The following PCNX1 variants were observed in gnomAD, a reference collection of about 807,000 sequenced individuals.
PCNX1 encodes pecanex 1, also known as pecanex-like protein 1.
PCNX1 carries 78 observed loss-of-function variants against 242.2 expected under a neutral mutation model. The observed-to-expected ratio is 0.32, with a 90% CI of 0.27 to 0.39. The LOEUF (loss-of-function observed/expected upper bound fraction) is 0.39. Ranked by LOEUF, PCNX1 falls within the 10% of genes least tolerant of loss-of-function variation. The pLI is 1.00. For missense variants in PCNX1, 2,581 were observed against 2,856.5 expected (o/e 0.90, Z 2.20); for synonymous variants, 1,024 against 1,032.9 (o/e 0.99, Z 0.17).
At chr14:71,104,213 T>C (rs911699300) in intron 32 of PCNX1, among the ~76,000 whole-genome samples, 5 of 152,238 alleles carry the variant, frequency 3.3e-5, no homozygotes, top group Non-Finnish European at 7.3e-5. Context: ...TAGTAAATTA[T>C]GTCTGGTGTA....
At chr14:70,989,950 C>T (rs1445615840) in intron 7 of PCNX1, among the ~76,000 whole-genome samples, 1 of 152,228 alleles carries the variant, frequency 6.6e-6, no homozygotes, top group East Asian at 1.9e-4. Context: ...TTTCTAGCTA[C>T]ATTTTAATTT....
chr14:71,099,367 C>G (rs956307028), intron 30 of PCNX1, among the ~76,000 whole-genome samples: 13 of 152,108 alleles, frequency 8.5e-5, no homozygotes, highest in Non-Finnish European at 1.5e-5. Flanking sequence ...ACCGTGTTAG[C>G]CAGGATGGTC....
chr14:70,991,123 C>T lies in PCNX1; in HGVS notation c.2444+2424C>T, dbSNP rs192239626. On this transcript the variant is annotated intron_variant, in intron 7 of 35. Transcript: ENST00000304743. ...GAGCTGTGTTCTAATGTTCTAACTC[C>T]AGCCAATCACATACAATTTTCCCAT... Among the ~76,000 whole-genome samples the T allele has an allele frequency of 7.8e-3, 1,194 of 152,126 alleles. 8 individuals carry two copies. The highest frequency in any genetic ancestry group is 0.017 in the South Asian group (82 of 4,818).
chr14:70,941,493 C>T (rs1222037169), intron 1 of PCNX1, among the ~76,000 whole-genome samples: 1 of 152,192 alleles, frequency 6.6e-6, no homozygotes, highest in Non-Finnish European at 1.5e-5. Flanking sequence ...CCTCTGGAAG[C>T]TTCGTCTCAG....
chr14:70,987,296 A>G (rs2059028248), intron 6 of PCNX1, among the ~76,000 whole-genome samples: 1 of 152,224 alleles, frequency 6.6e-6, no homozygotes, highest in Non-Finnish European at 1.5e-5. Context: ...AATGGTAACC[A>G]CTAGCTACAT....
intron 30 of PCNX1, among the ~76,000 whole-genome samples, chr14:71,101,072 G>T (rs569715771): frequency 6.6e-6 from 1 of 152,160 alleles, no homozygotes; most frequent in South Asian, 2.1e-4. Context: ...CAGCTAACAG[G>T]CTCTATCCTT....
At chr14:71,071,298 T>C (rs968569939) in intron 26 of PCNX1, among the ~76,000 whole-genome samples, 7 of 152,222 alleles carry the variant, frequency 4.6e-5, no homozygotes, top group African/African-American at 1.2e-4. Context: ...AGTAGCACTT[T>C]TAATTTTCTT....
chr14:70,952,663 C>A (rs924894085), intron 2 of PCNX1, among the ~76,000 whole-genome samples: 1 of 152,152 alleles, frequency 6.6e-6, no homozygotes, highest in East Asian at 1.9e-4. Context: ...TATTGACCTA[C>A]ATGTAGTCTG....
Position 71,105,923 on chromosome 14 carries a change from A to G in PCNX1, c.6301+483A>G, listed in dbSNP as rs184925077. Among the ~76,000 whole-genome samples, 4 of 148,482 alleles carry G rather than the reference A, an allele frequency of 2.7e-5. No individual in the cohort carries two copies. In the East Asian group the frequency reaches 7.8e-4, roughly 29 times the overall value. On this transcript the variant is annotated intron_variant, in intron 33 of 35. Coordinates refer to ENST00000304743, the MANE Select transcript of PCNX1 (RefSeq NM_014982.3). ...TTATATATATAAATATATATTTTAT[A>G]TATTTGTATATATACTTTTAAAACT...
intron 35 of PCNX1, 53 bp downstream of exon 35, chr14:71,109,645 C>A: frequency 6.2e-7 from 1 of 1,605,642 alleles, no homozygotes; most frequent in Non-Finnish European, 8.5e-7. Flanking sequence ...TTGAAGTCCG[C>A]CTCACTTGGA....
chr14:71,036,059 C>G lies in PCNX1; in HGVS notation c.3775-6C>G. On this transcript the variant is annotated splice_polypyrimidine_tract_variant and splice_region_variant and intron_variant, in intron 18 of 35. Coordinates refer to ENST00000304743, the MANE Select transcript of PCNX1 (RefSeq NM_014982.3). ...ATTGTTTAATAATTCTTTTTTTTCC[C>G]CACAGAGTGAGCGATTACAGTCTGA... 1 of 1,552,950 alleles carries G rather than the reference C, an allele frequency of 6.4e-7. No individual in the cohort carries two copies. The highest frequency in any genetic ancestry group is 8.8e-7 in the Non-Finnish European group (1 of 1,130,944).
At chr14:71,039,352 T>C (rs1245285548) in intron 19 of PCNX1, among the ~76,000 whole-genome samples, 1 of 152,228 alleles carries the variant, frequency 6.6e-6, no homozygotes, top group Non-Finnish European at 1.5e-5. Flanking sequence ...TAAAATCATC[T>C]GAGGTTCACT....
chr14:70,978,799 TATC>T, intron 6 of PCNX1, 151 bp downstream of exon 6: 1 of 731,914 alleles, frequency 1.4e-6, no homozygotes. Flanking sequence ...AGTAGGTGAT[TATC>T]TTAGAAAAGG....
intron 30 of PCNX1, among the ~76,000 whole-genome samples, chr14:71,091,664 A>G (rs1320070049): frequency 6.6e-6 from 1 of 152,238 alleles, no homozygotes; most frequent in African/African-American, 2.4e-5. Context: ...ACAGAAATCT[A>G]TTATAAAAAG....
At chr14:71,078,092 G>A (rs2061762236) in intron 28 of PCNX1, among the ~76,000 whole-genome samples, 1 of 152,164 alleles carries the variant, frequency 6.6e-6, no homozygotes, top group Non-Finnish European at 1.5e-5. Flanking sequence ...GGTATCCCCA[G>A]TCTCATCAGG....
At chr14:71,046,220 A>G (rs1018239779) in intron 20 of PCNX1, among the ~76,000 whole-genome samples, 9 of 152,104 alleles carry the variant, frequency 5.9e-5, no homozygotes, top group East Asian at 3.8e-4. Flanking sequence ...AGAATGAGAT[A>G]TGTTTTTAAT....
At chr14:71,039,407 G>C (rs1019859974) in intron 19 of PCNX1, among the ~76,000 whole-genome samples, 2 of 152,102 alleles carry the variant, frequency 1.3e-5, no homozygotes, top group Non-Finnish European at 2.9e-5. Context: ...GGAGACCTCA[G>C]TTCCCCTCCA....
At chr14:71,026,706 C>T (rs1387335816) in intron 14 of PCNX1, 66 bp from the exon 15 acceptor site, 2 of 649,754 alleles carry the variant, frequency 3.1e-6, no homozygotes, top group East Asian at 6.1e-5. Flanking sequence ...AAATTATGAC[C>T]TCTCAGTGGA....
At chr14:71,025,949 GT>G (rs1285840325) in intron 13 of PCNX1, among the ~76,000 whole-genome samples, 167 bp from the exon 14 acceptor site, 4 of 152,154 alleles carry the variant, frequency 2.6e-5, no homozygotes, top group Admixed American at 2.0e-4. Context: ...AGTTCATTCT[GT>G]TATTCTTCCT....
Sources: gnomAD v4.1 joint callset for allele counts (sites outside exome capture counted in the v4.1 genomes callset) on GRCh38, gnomAD v4.1.1 for gene constraint, MANE v1.5 for transcripts, NCBI Gene and HGNC (gene_info 2026-07-23, HGNC 2026-07-21) for gene names.